CENPP: variants seen among roughly 807,000 people sequenced by gnomAD.
CENPP encodes the protein centromere protein P.
Under a neutral mutation model 35.6 loss-of-function variants are expected in CENPP, and 24 were observed. That is an observed-to-expected ratio of 0.67 (90% CI 0.49 to 0.95). The LOEUF is 0.95. Ranked by LOEUF, CENPP falls within the 40% of genes least tolerant of loss-of-function variation. The pLI is 0.00. For missense variants in CENPP, 332 were observed against 345.3 expected (o/e 0.96, Z 0.31); for synonymous variants, 120 against 125.5 (o/e 0.96, Z 0.29).
In CENPP at chr9:92,332,297, A is replaced by G; in HGVS notation, c.235A>G (p.Arg79Gly). 2 of 1,611,556 alleles carry G rather than the reference A, an allele frequency of 1.2e-6. No homozygotes were observed. The highest frequency in any genetic ancestry group is 1.7e-6 in the Non-Finnish European group (2 of 1,179,028). ...FLSTLTGINI[R>G]NHSKQTEDLT... ...AAGTACGCTTACTGGCATCAATATA[A>G]GAAATCACTCCAAGCAGACAGAAGA... The change falls in exon 2 of 8, where the codon AGA becomes GGA. Residue 79 changes from arginine to glycine, a missense_variant. By Grantham distance (125) the Arg-to-Gly change is moderately radical. Transcript: ENST00000375587.
At chr9:92,580,480 T>G (rs902203320) in intron 5 of CENPP, among the ~76,000 whole-genome samples, 66 of 152,250 alleles carry the variant, frequency 4.3e-4, no homozygotes, top group African/African-American at 1.5e-3. Flanking sequence ...CAATTTCAGC[T>G]CCTGTTATTG....
At chr9:92,595,666 A>G (rs1470268690) in intron 5 of CENPP, among the ~76,000 whole-genome samples, 1 of 151,870 alleles carries the variant, frequency 6.6e-6, no homozygotes, top group Non-Finnish European at 1.5e-5. Flanking sequence ...CCTGGGTTCA[A>G]GCGATTCTCC....
intron 5 of CENPP, among the ~76,000 whole-genome samples, chr9:92,411,197 C>T (rs1416927981): frequency 6.6e-6 from 1 of 152,188 alleles, no homozygotes; most frequent in Admixed American, 6.5e-5. Context: ...TGGTCTCAGT[C>T]TCCTGACCTC....
At chr9:92,377,214 T>A (rs1842144330) in intron 4 of CENPP, among the ~76,000 whole-genome samples, 1 of 152,156 alleles carries the variant, frequency 6.6e-6, no homozygotes, top group Admixed American at 6.6e-5. Context: ...GGGGGCTGCT[T>A]TTTATTAAAA....
chr9:92,422,563 A>G (rs956542450), intron 5 of CENPP, among the ~76,000 whole-genome samples: 4 of 152,200 alleles, frequency 2.6e-5, no homozygotes, highest in African/African-American at 9.6e-5. Context: ...GTGAGCACCT[A>G]AGAAGAAAGT....
intron 5 of CENPP, chr9:92,522,494 T>C (rs1848135722): frequency 7.5e-7 from 1 of 1,327,434 alleles, no homozygotes; most frequent in Non-Finnish European, 1.0e-6. Context: ...GTTCTCCCTC[T>C]CTCCCTCTCT....
intron 5 of CENPP, among the ~76,000 whole-genome samples, chr9:92,572,740 T>C (rs1850176126): frequency 6.6e-6 from 1 of 152,198 alleles, no homozygotes; most frequent in South Asian, 2.1e-4. Flanking sequence ...CAGATGTAGA[T>C]TTGGTCTTTT....
At chr9:92,495,169 TA>T in intron 5 of CENPP, 1 of 233,612 alleles carries the variant, frequency 4.3e-6, no homozygotes, top group Non-Finnish European at 7.0e-6. Flanking sequence ...AACTAAAGCT[TA>T]AAAAATTAGA....
intron 5 of CENPP, among the ~76,000 whole-genome samples, chr9:92,518,591 C>T (rs1304861529): frequency 6.6e-6 from 1 of 152,144 alleles, no homozygotes; most frequent in Non-Finnish European, 1.5e-5. Context: ...CTATAATATT[C>T]ACCCTTTTGA....
Position 92,616,343 on chromosome 9 carries a change from T to G in CENPP, c.*3194T>G. Reference sequence around the variant, plus strand: ...TTCCTCAGGCCAGTGCACCCCACCATACCAGGCGAGAGAGGGTTAAAGGAC... The same window carrying G: ...TTCCTCAGGCCAGTGCACCCCACCAGACCAGGCGAGAGAGGGTTAAAGGAC... On this transcript the variant is annotated 3_prime_UTR_variant, in exon 8 of 8. Coordinates refer to ENST00000375587, the MANE Select transcript of CENPP (RefSeq NM_001012267.3). 2.9e-6 allele frequency: 1 copy of G among 340,708 alleles called. No homozygotes were observed. The highest frequency in any genetic ancestry group is 6.1e-5 in the East Asian group (1 of 16,390). 21.1% of individuals were successfully genotyped at this position (340,708 alleles called of 1,614,324 possible).
intron 6 of CENPP, 70 bp from the exon 7 acceptor site, chr9:92,612,453 G>T: frequency 1.6e-6 from 2 of 1,215,180 alleles, no homozygotes; most frequent in Admixed American, 1.7e-5. Context: ...GACCAGGTGC[G>T]ACTCATGGTT....
intron 5 of CENPP, among the ~76,000 whole-genome samples, chr9:92,523,063 T>C (rs1588226940): frequency 6.6e-6 from 1 of 152,132 alleles, no homozygotes; most frequent in South Asian, 2.1e-4. Context: ...GGAATTCTTC[T>C]ATCAGAATCA....
At chr9:92,551,444 C>A (rs1849585109) in intron 5 of CENPP, among the ~76,000 whole-genome samples, 1 of 151,880 alleles carries the variant, frequency 6.6e-6, no homozygotes, top group Non-Finnish European at 1.5e-5. Context: ...CTCAAACAAT[C>A]CTCCCACCTT....
intron 5 of CENPP, among the ~76,000 whole-genome samples, chr9:92,562,589 T>C (rs1849875178): frequency 6.6e-6 from 1 of 152,072 alleles, no homozygotes; most frequent in South Asian, 2.1e-4. Flanking sequence ...GTGTCCTGGG[T>C]TTGGGAAGCA....
chr9:92,381,870 A>C (rs914088861), intron 5 of CENPP, among the ~76,000 whole-genome samples: 15 of 150,242 alleles, frequency 1.0e-4, no homozygotes, highest in Non-Finnish European at 1.5e-5. Flanking sequence ...ATTTCTCTAC[A>C]ACTACTTTAA....
chr9:92,379,724 AATG>A (rs767597478), intron 4 of CENPP, 36 bp from the exon 5 acceptor site: 8 of 1,423,390 alleles, frequency 5.6e-6, no homozygotes, highest in Non-Finnish European at 7.9e-6. Context: ...TCTATCATTT[AATG>A]ATATTTATTA....
chr9:92,495,714 A>G, intron 5 of CENPP: 1 of 908,462 alleles, frequency 1.1e-6, no homozygotes. Flanking sequence ...TAACCATAAT[A>G]TGATTTTCAA....
chr9:92,613,200 A>G lies in CENPP; in HGVS notation c.*51A>G. Reference sequence around the variant, plus strand: ...GAAGATGCTGCGTGGAGGAACATGCAATTTTATTCAATATAAACATTTGCT... The same window carrying G: ...GAAGATGCTGCGTGGAGGAACATGCGATTTTATTCAATATAAACATTTGCT... On this transcript the variant is annotated 3_prime_UTR_variant, in exon 8 of 8. Coordinates refer to ENST00000375587, the MANE Select transcript of CENPP (RefSeq NM_001012267.3). 1.2e-6 allele frequency: 2 copies of G among 1,609,020 alleles called. No individual in the cohort carries two copies. Among genetic ancestry groups the G allele is most frequent in the Non-Finnish European group, 1.7e-6 (2 of 1,175,774 alleles).
intron 3 of CENPP, among the ~76,000 whole-genome samples, chr9:92,344,548 A>G (rs943699632): frequency 6.6e-6 from 1 of 151,682 alleles, no homozygotes; most frequent in African/African-American, 2.4e-5. Context: ...TTTTATTATT[A>G]TTATTGTTAT....
Sources: gnomAD v4.1 joint callset for allele counts (sites outside exome capture counted in the v4.1 genomes callset) on GRCh38, gnomAD v4.1.1 for gene constraint, MANE v1.5 for transcripts, NCBI Gene and HGNC (gene_info 2026-07-23, HGNC 2026-07-21) for gene names.